The following KLC3 variants were observed in gnomAD, a reference collection of about 807,000 sequenced individuals.
KLC3 encodes the protein kinesin light chain 2.
Under a neutral mutation model 62.9 loss-of-function variants are expected in KLC3, and 72 were observed. The ratio of observed to expected loss-of-function variants is 1.15; its 90% CI spans 0.95 to 1.39. The LOEUF (loss-of-function observed/expected upper bound fraction) is 1.39, where lower values mean the gene tolerates loss of function less well. KLC3 is among the 40% of genes most tolerant of loss of function. The probability of loss-of-function intolerance (pLI) is 0.00; values close to 1 mark genes in which losing one functional copy is unlikely to be tolerated. For synonymous variants in KLC3, 377 were observed against 300.5 expected (o/e 1.25, Z -2.63); for missense variants, 848 against 691.6 (o/e 1.23, Z -2.54).
chr19:45,344,378 T>A (rs1568520746), intron 1 of KLC3, among the ~76,000 whole-genome samples: 1 of 117,412 alleles, frequency 8.5e-6, no homozygotes, highest in Non-Finnish European at 1.7e-5. Flanking sequence ...CATGCTCTGC[T>A]ATTTTTTTTT....
intron 1 of KLC3, among the ~76,000 whole-genome samples, chr19:45,344,299 C>T (rs1294715429): frequency 2.7e-5 from 4 of 150,362 alleles, no homozygotes; most frequent in South Asian, 2.1e-4. Context: ...CTGCAACCTC[C>T]GCCTCCCGGG....
At chr19:45,343,015 G>C (rs1484595102) in intron 1 of KLC3, among the ~76,000 whole-genome samples, 2 of 152,194 alleles carry the variant, frequency 1.3e-5, no homozygotes, top group African/African-American at 4.8e-5. Flanking sequence ...ACAGCTCTCT[G>C]TTCCGACAGT....
Position 45,348,878 on chromosome 19 carries a change from A to T in KLC3, c.926A>T (p.Glu309Val). The T allele has an allele frequency of 1.3e-6, 2 of 1,588,586 alleles. No individual in the cohort carries two copies. The highest frequency in any genetic ancestry group is 1.7e-6 in the Non-Finnish European group (2 of 1,167,870). The change falls in exon 7 of 13, where the codon GAG becomes GTG. Residue 309 changes from glutamate to valine, a missense_variant. Glu to Val is a moderately radical substitution (Grantham distance 121, BLOSUM62 -2). Transcript: ENST00000391946. ...VLYGKRGRYR[E>V]AEPLCQRALE... is the part of the protein sequence containing the mutation. ...TATGGGAAGCGTGGGCGTTACCGGG[A>T]GGCAGAGCCCCTGTGCCAGCGCGCT...
At chr19:45,348,206 C>G in intron 5 of KLC3, 46 bp downstream of exon 5, 1 of 1,499,046 alleles carries the variant, frequency 6.7e-7, no homozygotes, top group Non-Finnish European at 9.0e-7. Context: ...ACGGCAGGGA[C>G]CCATTGGGTG....
intron 1 of KLC3, among the ~76,000 whole-genome samples, chr19:45,343,467 TG>T (rs1971430133): frequency 6.6e-6 from 1 of 152,066 alleles, no homozygotes; most frequent in South Asian, 2.1e-4. Flanking sequence ...CATGAGTAGC[TG>T]GGGACTACAG....
rs1971743011 is a variant in KLC3, at chr19:45,351,100, G to C, written c.1443+83G>C. Reference sequence around the variant, plus strand: ...AGGCAAAGGCAGGGCGGTCGGGCCAGTGGTGGAGTCAGCAGGTGGTGGGTT... The same window carrying C: ...AGGCAAAGGCAGGGCGGTCGGGCCACTGGTGGAGTCAGCAGGTGGTGGGTT... On this transcript the variant is annotated intron_variant, in intron 12 of 12. Coordinates refer to ENST00000391946, the MANE Select transcript of KLC3 (RefSeq NM_177417.3). 4 of 1,610,224 alleles carry C rather than the reference G, an allele frequency of 2.5e-6. No individual in the cohort carries two copies. In the Admixed American group the frequency reaches 6.7e-5, roughly 27 times the overall value.
At chr19:45,346,449 TG>T in intron 2 of KLC3, 94 bp from the exon 3 acceptor site, 2 of 1,022,820 alleles carry the variant, frequency 2.0e-6, no homozygotes, top group Non-Finnish European at 2.8e-6. Flanking sequence ...TGCATAGTAG[TG>T]GGGTGCTACG....
At position 45,341,186 on chromosome 19, in the gene KLC3, TTGTG is replaced by T. The variant is rs113240301; in HGVS notation, c.-9+365_-9+368del. 2.5e-3 allele frequency among the ~76,000 whole-genome samples: 283 copies of T among 111,916 alleles called. 1 individual carries two copies. The highest frequency in any genetic ancestry group is 4.0e-3 in the Non-Finnish European group (210 of 52,580). 73.4% of individuals were successfully genotyped at this position (111,916 alleles called of 152,430 possible). Reference sequence around the variant, plus strand: ...ATGGGAGTCTCCTGCCTGCCTGTGTTTGTGTGTGTGTGTGTGTGTGTGTGTGTGG... The same window carrying T: ...ATGGGAGTCTCCTGCCTGCCTGTGTTTGTGTGTGTGTGTGTGTGTGTGTGG... On this transcript the variant is annotated intron_variant, in intron 1 of 12. Transcript: ENST00000391946.
chr19:45,346,955 T>G, intron 3 of KLC3, 181 bp downstream of exon 3: 5 of 437,328 alleles, frequency 1.1e-5, no homozygotes, highest in Non-Finnish European at 1.9e-5. Flanking sequence ...CCACCAGAAC[T>G]TCCACAGACG....
intron 12 of KLC3, 96 bp downstream of exon 12, chr19:45,351,113 C>T: frequency 6.2e-7 from 1 of 1,606,850 alleles, no homozygotes; most frequent in Non-Finnish European, 8.5e-7. Flanking sequence ...GTGGAGTCAG[C>T]AGGTGGTGGG....
At chr19:45,349,704 G>GGGGGGA in intron 8 of KLC3, 102 bp downstream of exon 8, 1 of 815,814 alleles carries the variant, frequency 1.2e-6, no homozygotes, top group South Asian at 1.9e-5. Context: ...GGTGGGGGGG[G>GGGGGGA]GCCCCCCAGG....
chr19:45,350,802 AC>A, intron 11 of KLC3, 55 bp downstream of exon 11: 1 of 821,424 alleles, frequency 1.2e-6, no homozygotes, highest in Non-Finnish European at 1.8e-6. Flanking sequence ...TCCACAGCCC[AC>A]CCCACCCCCA....
chr19:45,343,852 T>C (rs1047310940), intron 1 of KLC3, among the ~76,000 whole-genome samples: 1 of 152,116 alleles, frequency 6.6e-6, no homozygotes, highest in Non-Finnish European at 1.5e-5. Context: ...TTTCTTTCTT[T>C]CTTTTTTGAC....
At chr19:45,348,244 T>C in intron 5 of KLC3, 84 bp downstream of exon 5, 1 of 1,265,664 alleles carries the variant, frequency 7.9e-7, no homozygotes, top group Non-Finnish European at 1.1e-6. Flanking sequence ...GTGCCCCCTC[T>C]GTCACCATGG....
chr19:45,348,268 G>A, intron 5 of KLC3, 108 bp downstream of exon 5: 1 of 1,038,508 alleles, frequency 9.6e-7, no homozygotes, highest in Non-Finnish European at 1.4e-6. Context: ...ACCTAGGGAG[G>A]TCAGGGGAGG....
chr19:45,350,869 G>T, intron 11 of KLC3, 85 bp from the exon 12 acceptor site: 1 of 1,362,956 alleles, frequency 7.3e-7, no homozygotes, highest in Non-Finnish European at 1.0e-6. Context: ...GATACACACA[G>T]ATCAAACCCT....
chr19:45,348,893 GC>G lies in KLC3; in HGVS notation c.943del (p.Gln315SerfsTer46), dbSNP rs780655195. ...RGRYREAEPLCQRALEIREKV... is the reference protein window; with the variant it reads ...RGRYREAEPLXQRALEIREKV... The stretch of plus-strand genomic sequence containing the variant: ...CGTTACCGGGAGGCAGAGCCCCTGT[GC>G]CAGCGCGCTTTGGAGATCCGAGAGA... On this transcript the variant is annotated frameshift_variant, in exon 7 of 13. Coordinates refer to ENST00000391946, the MANE Select transcript of KLC3 (RefSeq NM_177417.3). LOFTEE classifies it high-confidence loss of function. The G allele has an allele frequency of 1.1e-4, 176 of 1,586,930 alleles. No individual in the cohort carries two copies. The highest frequency in any genetic ancestry group is 1.4e-4 in the Non-Finnish European group (164 of 1,167,084).
chr19:45,344,422 T>C (rs1971449124), intron 1 of KLC3, among the ~76,000 whole-genome samples: 1 of 150,628 alleles, frequency 6.6e-6, no homozygotes, highest in Admixed American at 6.6e-5. Context: ...TTTCACCCTG[T>C]TGGCCAGGCT....
At position 45,349,591 on chromosome 19, in the gene KLC3, A is replaced by C. The variant is rs1271185200; in HGVS notation, c.1132A>C (p.Lys378Gln). The C allele has an allele frequency of 6.8e-6, 11 of 1,610,510 alleles. No individual in the cohort carries two copies. Among genetic ancestry groups the C allele is most frequent in the Non-Finnish European group, 7.6e-6 (9 of 1,177,672 alleles). The change falls in exon 8 of 13, where the codon AAG (lysine) becomes CAG (glutamine). Residue 378 changes from lysine to glutamine, a missense_variant. Physicochemically the swap from Lys to Gln is moderately conservative, Grantham distance 53. Transcript: ENST00000391946. Reference protein sequence around the residue: ...GPHDPNVAKTKNNLASAYLKQ... With the variant: ...GPHDPNVAKTQNNLASAYLKQ... ...CCATGACCCCAACGTGGCCAAGACC[A>C]AGAACAACCTGGTGAGGCCCCTGGG... is the stretch of plus-strand genomic sequence containing the variant.
Sources: allele counts gnomAD v4.1 joint callset (sites outside exome capture counted in the v4.1 genomes callset), GRCh38; gene constraint gnomAD v4.1.1; transcripts MANE v1.5; gene names NCBI Gene and HGNC (gene_info 2026-07-23, HGNC 2026-07-21).